The following HS6ST3 variants were observed in gnomAD, a reference collection of about 807,000 sequenced individuals.
HS6ST3 encodes the protein heparan sulfate 6-O-sulfotransferase 3, also known as heparan-sulfate 6-O-sulfotransferase 3.
Under a neutral mutation model 36.7 loss-of-function variants are expected in HS6ST3, and 12 were observed. That is an observed-to-expected ratio of 0.33 (90% CI 0.21 to 0.53). HS6ST3 has a LOEUF of 0.53. Ranked by LOEUF, HS6ST3 falls within the 20% of genes least tolerant of loss-of-function variation. The pLI, the probability that HS6ST3 is intolerant of heterozygous loss-of-function variation, is 0.95. For missense variants in HS6ST3, 584 were observed against 640.9 expected, an observed-to-expected ratio of 0.91 and a Z score of 0.96; for synonymous variants, 240 against 257.5, an observed-to-expected ratio of 0.93 and a Z score of 0.65.
intron 1 of HS6ST3, among the ~76,000 whole-genome samples, chr13:96,716,537 A>G (rs1200705766): frequency 6.6e-6 from 1 of 152,146 alleles, no homozygotes; most frequent in Non-Finnish European, 1.5e-5. Flanking sequence ...ATGATAATTA[A>G]TGAAAAATGC....
chr13:96,355,541 A>C (rs1297378894), intron 1 of HS6ST3, among the ~76,000 whole-genome samples: 2 of 152,220 alleles, frequency 1.3e-5, no homozygotes, highest in Non-Finnish European at 1.5e-5. Context: ...TTATGTTTAC[A>C]GTATACTATG....
At chr13:96,781,397 GC>G (rs1877523653) in intron 1 of HS6ST3, among the ~76,000 whole-genome samples, 1 of 152,148 alleles carries the variant, frequency 6.6e-6, no homozygotes, top group South Asian at 2.1e-4. Flanking sequence ...TGAACAACCT[GC>G]CCAACTCTAC....
chr13:96,508,350 C>T (rs909141219), intron 1 of HS6ST3, among the ~76,000 whole-genome samples: 2 of 151,966 alleles, frequency 1.3e-5, no homozygotes, highest in African/African-American at 2.4e-5. Flanking sequence ...CCTACACCCC[C>T]GATCCTCCAC....
At chr13:96,615,091 T>A (rs1330357365) in intron 1 of HS6ST3, among the ~76,000 whole-genome samples, 1 of 152,168 alleles carries the variant, frequency 6.6e-6, no homozygotes, top group Non-Finnish European at 1.5e-5. Context: ...ATTTTGAAAA[T>A]TTCTTATATT....
At chr13:96,800,958 A>C (rs955714284) in intron 1 of HS6ST3, among the ~76,000 whole-genome samples, 2 of 152,074 alleles carry the variant, frequency 1.3e-5, no homozygotes, top group African/African-American at 4.8e-5. Context: ...AAAAAGTGCC[A>C]TTGTCCCCAA....
At chr13:96,306,454 A>G (rs899548707) in intron 1 of HS6ST3, among the ~76,000 whole-genome samples, 5 of 152,102 alleles carry the variant, frequency 3.3e-5, no homozygotes, top group African/African-American at 1.2e-4. Context: ...CAAGTGGTCC[A>G]TCTGCCTTCG....
chr13:96,648,055 C>A (rs2056594858), intron 1 of HS6ST3, among the ~76,000 whole-genome samples: 1 of 151,996 alleles, frequency 6.6e-6, no homozygotes, highest in Non-Finnish European at 1.5e-5. Flanking sequence ...TAGTGTTGAT[C>A]TTTGCACACT....
At chr13:96,636,105 C>A (rs980781286) in intron 1 of HS6ST3, among the ~76,000 whole-genome samples, 7 of 152,084 alleles carry the variant, frequency 4.6e-5, no homozygotes, top group Non-Finnish European at 1.0e-4. Context: ...CAGAGTCTTC[C>A]CTGGGAGCCA....
intron 1 of HS6ST3, among the ~76,000 whole-genome samples, chr13:96,635,426 C>A (rs572272178): frequency 6.6e-6 from 1 of 152,078 alleles, no homozygotes; most frequent in African/African-American, 2.4e-5. Flanking sequence ...TGCTGCTCCT[C>A]CTGCCTGGAA....
intron 1 of HS6ST3, among the ~76,000 whole-genome samples, chr13:96,606,556 A>G (rs1359654083): frequency 2.1e-5 from 3 of 145,274 alleles, no homozygotes; most frequent in African/African-American, 7.5e-5. Context: ...GGAGCAATAG[A>G]TACTAGAGAC....
intron 1 of HS6ST3, among the ~76,000 whole-genome samples, chr13:96,156,242 C>T (rs2054110031): frequency 6.6e-6 from 1 of 152,110 alleles, no homozygotes; most frequent in Non-Finnish European, 1.5e-5. Context: ...ACTCAAGTCC[C>T]TTAGTAAATG....
intron 1 of HS6ST3, among the ~76,000 whole-genome samples, chr13:96,408,967 A>G (rs890149931): frequency 7.9e-5 from 12 of 152,186 alleles, no homozygotes; most frequent in African/African-American, 2.7e-4. Context: ...GTAATCGAAC[A>G]TCGTGCAAAT....
At chr13:96,719,502 A>G (rs1303237894) in intron 1 of HS6ST3, among the ~76,000 whole-genome samples, 2 of 152,218 alleles carry the variant, frequency 1.3e-5, no homozygotes, top group Non-Finnish European at 2.9e-5. Context: ...TTCTAGGTCT[A>G]TAAAGCAATT....
intron 1 of HS6ST3, among the ~76,000 whole-genome samples, chr13:96,582,689 A>C (rs888018026): frequency 1.3e-5 from 2 of 152,180 alleles, no homozygotes; most frequent in Non-Finnish European, 2.9e-5. Context: ...ATATTTGTAC[A>C]TATTTCCTCT....
chr13:96,790,224 T>C (rs1271358230), intron 1 of HS6ST3, among the ~76,000 whole-genome samples: 2 of 151,534 alleles, frequency 1.3e-5, no homozygotes, highest in Non-Finnish European at 3.0e-5. Context: ...TAGGTTGTTA[T>C]ATTTTTTCAA....
intron 1 of HS6ST3, among the ~76,000 whole-genome samples, chr13:96,441,085 T>G (rs1036106979): frequency 6.6e-6 from 1 of 152,126 alleles, no homozygotes; most frequent in Non-Finnish European, 1.5e-5. Flanking sequence ...CTCCACCATA[T>G]GCAGATTCAA....
intron 1 of HS6ST3, among the ~76,000 whole-genome samples, chr13:96,340,736 C>T (rs1238148607): frequency 6.6e-6 from 1 of 152,224 alleles, no homozygotes; most frequent in African/African-American, 2.4e-5. Context: ...CGATTTATAG[C>T]GTTCCCATCT....
chr13:96,425,868 C>T (rs2055584160), intron 1 of HS6ST3, among the ~76,000 whole-genome samples: 1 of 151,864 alleles, frequency 6.6e-6, no homozygotes, highest in South Asian at 2.1e-4. Context: ...TTAGGAAACA[C>T]AGCTTTTCCC....
chr13:96,567,010 A>G (rs2056283759), intron 1 of HS6ST3, among the ~76,000 whole-genome samples: 1 of 152,148 alleles, frequency 6.6e-6, no homozygotes, highest in African/African-American at 2.4e-5. Flanking sequence ...CATAAGCAAA[A>G]ACTGGGAAAG....
Sources: allele counts gnomAD v4.1 joint callset (sites outside exome capture counted in the v4.1 genomes callset), GRCh38; gene constraint gnomAD v4.1.1; transcripts MANE v1.5; gene names NCBI Gene and HGNC (gene_info 2026-07-23, HGNC 2026-07-21).